The following EMID1 variants were observed in gnomAD, a reference collection of about 807,000 sequenced individuals.
The protein encoded by EMID1 is EMI domain-containing protein 1.
In EMID1, 40 loss-of-function variants were observed where a neutral mutation model predicts 60.6. That is an observed-to-expected ratio of 0.66 (90% CI 0.51 to 0.86). The LOEUF (loss-of-function observed/expected upper bound fraction) is 0.86, where lower values mean the gene tolerates loss of function less well. EMID1 is among the 40% of genes least tolerant of loss of function. EMID1 has a pLI of 0.00. For missense variants in EMID1, 585 were observed against 597.1 expected (o/e 0.98, Z 0.21); for synonymous variants, 242 against 231.0 (o/e 1.05, Z -0.43).
At chr22:29,233,318 G>A in intron 8 of EMID1, 61 bp from the exon 9 acceptor site, 2 of 1,578,578 alleles carry the variant, frequency 1.3e-6, no homozygotes, top group Non-Finnish European at 1.7e-6. Context: ...AGAGGTGGCA[G>A]GTGAAGACTA....
intron 14 of EMID1, among the ~76,000 whole-genome samples, chr22:29,257,537 T>C (rs1189033685): frequency 6.6e-6 from 1 of 152,150 alleles, no homozygotes; most frequent in African/African-American, 2.4e-5. Context: ...TCTAAAGTCC[T>C]GGCCCTTTGG....
intron 1 of EMID1, among the ~76,000 whole-genome samples, chr22:29,207,184 G>A (rs2039700160): frequency 6.6e-6 from 1 of 152,232 alleles, no homozygotes; most frequent in South Asian, 2.1e-4. Flanking sequence ...AAGAGCAGTT[G>A]ACATGGGCAG....
chr22:29,243,282 G>A (rs374930968), intron 12 of EMID1, among the ~76,000 whole-genome samples, 163 bp from the exon 13 acceptor site: 164 of 152,236 alleles, frequency 1.1e-3, no homozygotes, highest in African/African-American at 3.7e-3. Context: ...ATTACTTTCC[G>A]TTGCCTTCAA....
At chr22:29,243,618 C>T in intron 13 of EMID1, 129 bp downstream of exon 13, 1 of 1,096,996 alleles carries the variant, frequency 9.1e-7, no homozygotes, top group Non-Finnish European at 1.3e-6. Flanking sequence ...CCTGGTCTCC[C>T]AGGCAGGAGC....
chr22:29,250,481 T>G (rs911997551), intron 13 of EMID1, among the ~76,000 whole-genome samples: 5 of 152,244 alleles, frequency 3.3e-5, no homozygotes, highest in Non-Finnish European at 7.3e-5. Flanking sequence ...GTGCCTTTTA[T>G]TGTACCTCGT....
At chr22:29,250,374 G>A (rs535956042) in intron 13 of EMID1, among the ~76,000 whole-genome samples, 1 of 152,160 alleles carries the variant, frequency 6.6e-6, no homozygotes, top group African/African-American at 2.4e-5. Context: ...TTCTTCTCTT[G>A]ACTTTGTCTT....
intron 12 of EMID1, among the ~76,000 whole-genome samples, chr22:29,236,507 A>G (rs1395290841): frequency 6.6e-6 from 1 of 152,066 alleles, no homozygotes; most frequent in Non-Finnish European, 1.5e-5. Flanking sequence ...CCTGGCCAAC[A>G]TGGTGAAACC....
chr22:29,234,234 T>C, intron 11 of EMID1, 35 bp downstream of exon 11: 1 of 1,609,606 alleles, frequency 6.2e-7, no homozygotes, highest in South Asian at 1.1e-5. Context: ...GGGGGAATTC[T>C]GGGGAGTCCT....
rs78400471 is a variant in EMID1 at position 29,231,588 on chromosome 22, C to A, written c.587-5C>A. ...GCTGCCAGTCTGATATGCTTTACCC[C>A]CCAGACCAAGTCGGTGCTTGGGGGC... is the stretch of plus-strand genomic sequence containing the variant. On this transcript the variant is annotated splice_region_variant and splice_polypyrimidine_tract_variant and intron_variant, in intron 6 of 14. Transcript: ENST00000334018. 1 of 1,545,710 alleles carries A rather than the reference C, an allele frequency of 6.5e-7. No individual in the cohort carries two copies. The highest frequency in any genetic ancestry group is 1.4e-5 in the African/African-American group (1 of 73,074).
At chr22:29,218,124 T>C (rs1445801977) in intron 3 of EMID1, among the ~76,000 whole-genome samples, 1 of 152,224 alleles carries the variant, frequency 6.6e-6, no homozygotes, top group African/African-American at 2.4e-5. Flanking sequence ...GCTTGGCTCA[T>C]GGTAGATGCT....
intron 2 of EMID1, 92 bp downstream of exon 2, chr22:29,215,131 G>T: frequency 1.4e-6 from 2 of 1,442,380 alleles, no homozygotes; most frequent in East Asian, 2.5e-5. Flanking sequence ...GGAGTGTGGG[G>T]GAAGACTGGA....
rs968331682 is a variant in EMID1 at position 29,233,755 on chromosome 22, T to G, written c.966+89T>G. ...CATACATCTGTCCATCATCCACCCT[T>G]GTATCCATCTATCCATCCATCCATT... On this transcript the variant is annotated intron_variant, in intron 10 of 14. Coordinates refer to ENST00000334018, the MANE Select transcript of EMID1 (RefSeq NM_133455.4). The G allele has an allele frequency of 9.8e-5, 122 of 1,242,444 alleles. No homozygotes were observed. In the Admixed American group the frequency reaches 2.5e-3, roughly 25 times the overall value. 77.0% of individuals were successfully genotyped at this position (1,242,444 alleles called of 1,614,324 possible).
intron 12 of EMID1, among the ~76,000 whole-genome samples, chr22:29,239,169 C>A (rs2041067721): frequency 6.9e-6 from 1 of 144,862 alleles, no homozygotes; most frequent in Non-Finnish European, 1.5e-5. Flanking sequence ...CTTAGAGATT[C>A]TTTCCTCAGC....
In EMID1 at chr22:29,243,493, A is replaced by AGCTCTGGCCTG. The variant is rs1201138014; in HGVS notation, c.1119+7_1119+17dup. On this transcript the variant is annotated splice_donor_region_variant and intron_variant, in intron 13 of 14. Coordinates refer to ENST00000334018, the MANE Select transcript of EMID1 (RefSeq NM_133455.4). Reference sequence around the variant, plus strand: ...CCCTGGTGAGAAGAGCCACTGGGTAAGCTCTGGCCTGGCACTGGCCTCTCC... The same window carrying AGCTCTGGCCTG: ...CCCTGGTGAGAAGAGCCACTGGGTAAGCTCTGGCCTGGCTCTGGCCTGGCACTGGCCTCTCC... 1 of 1,613,944 alleles carries AGCTCTGGCCTG rather than the reference A, an allele frequency of 6.2e-7. No homozygotes were observed. Among genetic ancestry groups the AGCTCTGGCCTG allele is most frequent in the East Asian group, 2.2e-5 (1 of 44,872 alleles).
intron 13 of EMID1, among the ~76,000 whole-genome samples, chr22:29,244,667 T>G (rs9613846): frequency 0.12 from 16,461 of 141,534 alleles, 1,333 homozygotes; most frequent in East Asian, 0.2. Context: ...GAAAAGAAAA[T>G]AGAAACCTTC....
At chr22:29,227,704 C>CAAAAAAAAAAAAAAAAA in intron 5 of EMID1, among the ~76,000 whole-genome samples, 1 of 88,954 alleles carries the variant, frequency 1.1e-5, no homozygotes. Context: ...GACTCTGTCT[C>CAAAAAAAAAAAAAAAAA]AAAAAAAAAA....
intron 4 of EMID1, among the ~76,000 whole-genome samples, chr22:29,225,888 C>G (rs1245086291): frequency 6.6e-6 from 1 of 152,196 alleles, no homozygotes; most frequent in African/African-American, 2.4e-5. Context: ...TCTCGTGAGT[C>G]TCAGCCAGGC....
intron 2 of EMID1, 184 bp from the exon 3 acceptor site, chr22:29,215,343 C>T: frequency 1.1e-6 from 1 of 938,490 alleles, no homozygotes; most frequent in Non-Finnish European, 1.3e-6. Flanking sequence ...AATCTCCAAT[C>T]CCTGTGGCAA....
intron 3 of EMID1, chr22:29,216,771 T>C: frequency 1.6e-6 from 1 of 629,086 alleles, no homozygotes; most frequent in Non-Finnish European, 2.0e-6. Context: ...GGTTCAGAAC[T>C]CACCACGCAG....
Sources: gnomAD v4.1 joint callset for allele counts (sites outside exome capture counted in the v4.1 genomes callset) on GRCh38, gnomAD v4.1.1 for gene constraint, MANE v1.5 for transcripts, NCBI Gene and HGNC (gene_info 2026-07-23, HGNC 2026-07-21) for gene names.